Variants in CHRM2 observed in about 807,000 individuals in gnomAD.
CHRM2 encodes the protein cholinergic receptor muscarinic 2.
CHRM2 carries 8 observed loss-of-function variants against 25.0 expected under a neutral mutation model. The ratio of observed to expected loss-of-function variants is 0.32; its 90% CI spans 0.19 to 0.58. The LOEUF is 0.58. CHRM2 is among the 20% of genes least tolerant of loss of function. The pLI is 0.88. For synonymous variants in CHRM2, 202 were observed against 205.7 expected, an observed-to-expected ratio of 0.98 and a Z score of 0.15; for missense variants, 440 against 567.1, an observed-to-expected ratio of 0.78 and a Z score of 2.28.
intron 2 of CHRM2, among the ~76,000 whole-genome samples, chr7:136,971,114 A>G (rs1801739144): frequency 1.3e-5 from 2 of 152,220 alleles, no homozygotes; most frequent in Non-Finnish European, 2.9e-5. Flanking sequence ...GGCAGCACAG[A>G]AACTTGGAAA....
At chr7:136,984,235 A>T (rs755754753) in intron 2 of CHRM2, among the ~76,000 whole-genome samples, 4 of 152,056 alleles carry the variant, frequency 2.6e-5, no homozygotes, top group Non-Finnish European at 5.9e-5. Context: ...CTTTGTTTGC[A>T]CTGTGAGGGG....
At chr7:137,010,584 TTCC>T (rs1804737784) in intron 3 of CHRM2, among the ~76,000 whole-genome samples, 1 of 151,996 alleles carries the variant, frequency 6.6e-6, no homozygotes, top group Non-Finnish European at 1.5e-5. Context: ...AGAGGAACGA[TTCC>T]ACATGGCCTG....
chr7:136,927,520 GA>G (rs200311718), intron 2 of CHRM2, among the ~76,000 whole-genome samples: 3 of 149,696 alleles, frequency 2.0e-5, no homozygotes, highest in East Asian at 1.9e-4. Flanking sequence ...TAATGCAACT[GA>G]AAAAAAAAGA....
chr7:137,012,494 C>T (rs560057421), intron 3 of CHRM2, among the ~76,000 whole-genome samples: 1 of 152,062 alleles, frequency 6.6e-6, no homozygotes, highest in Non-Finnish European at 1.5e-5. Flanking sequence ...TGTAATATTA[C>T]ATATAATCAC....
intron 3 of CHRM2, among the ~76,000 whole-genome samples, chr7:137,011,215 G>GTGTATA: frequency 7.4e-6 from 1 of 134,286 alleles, no homozygotes; most frequent in African/African-American, 3.2e-5. Flanking sequence ...GTGTGTGTGT[G>GTGTATA]TATATATATA....
intron 2 of CHRM2, among the ~76,000 whole-genome samples, chr7:136,911,709 C>T (rs888750291): frequency 6.6e-5 from 10 of 151,930 alleles, no homozygotes; most frequent in Non-Finnish European, 1.0e-4. Flanking sequence ...AACCTGTTTA[C>T]ATGTCGAATT....
intron 2 of CHRM2, among the ~76,000 whole-genome samples, chr7:136,872,527 C>T (rs921136813): frequency 3.3e-5 from 5 of 152,214 alleles, no homozygotes; most frequent in Non-Finnish European, 1.5e-5. Context: ...CCAGATGTGT[C>T]TTTACTGGAC....
At position 137,016,296 on chromosome 7, in the gene CHRM2, A is replaced by G. The variant is rs562505056; in HGVS notation, c.*30A>G. ...TCTTTGAAAAAGATAGAAGGTGGGC[A>G]AGGGGAGCTTGAGAAGAATAAAAGG... On this transcript the variant is annotated 3_prime_UTR_variant, in exon 4 of 4. Coordinates refer to ENST00000680005, the MANE Select transcript of CHRM2 (RefSeq NM_001006630.2). The G allele has an allele frequency of 6.2e-7, 1 of 1,602,034 alleles. No individual in the cohort carries two copies. The highest frequency in any genetic ancestry group is 1.1e-5 in the South Asian group (1 of 90,792).
At chr7:136,888,821 C>T (rs1455214475) in intron 2 of CHRM2, among the ~76,000 whole-genome samples, 1 of 151,870 alleles carries the variant, frequency 6.6e-6, no homozygotes. Context: ...CCAAGGCAGG[C>T]GGATCACGAA....
chr7:136,894,261 A>G (rs12537962), intron 2 of CHRM2, among the ~76,000 whole-genome samples: 39,783 of 152,150 alleles, frequency 0.26, 5,720 homozygotes, highest in Non-Finnish European at 0.32. Flanking sequence ...TATAAAGGGT[A>G]ACATATGAAC....
intron 2 of CHRM2, among the ~76,000 whole-genome samples, chr7:136,888,443 C>T (rs1269466748): frequency 6.6e-6 from 1 of 151,992 alleles, no homozygotes; most frequent in Non-Finnish European, 1.5e-5. Context: ...GAGAATTCAG[C>T]GAGAAATATT....
chr7:136,992,014 T>G (rs2131021802), intron 2 of CHRM2, among the ~76,000 whole-genome samples, 173 bp from the exon 3 acceptor site: 1 of 152,278 alleles, frequency 6.6e-6, no homozygotes, highest in Admixed American at 6.5e-5. Flanking sequence ...ACCTTTGTCC[T>G]GACAGGTGCA....
At chr7:136,878,036 T>G (rs1796114343) in intron 2 of CHRM2, among the ~76,000 whole-genome samples, 1 of 151,988 alleles carries the variant, frequency 6.6e-6, no homozygotes, top group Non-Finnish European at 1.5e-5. Context: ...TCACAACCTG[T>G]TTTACATTGT....
chr7:136,995,484 T>TG (rs1007628906), intron 3 of CHRM2, among the ~76,000 whole-genome samples: 1 of 152,154 alleles, frequency 6.6e-6, no homozygotes, highest in Admixed American at 6.6e-5. Flanking sequence ...CACAAGGGGC[T>TG]GGGTGTGGTG....
At chr7:137,007,620 GTGA>G (rs1804532287) in intron 3 of CHRM2, among the ~76,000 whole-genome samples, 1 of 152,108 alleles carries the variant, frequency 6.6e-6, no homozygotes, top group Non-Finnish European at 1.5e-5. Flanking sequence ...TTCATTTTGT[GTGA>G]TGTTGTCAAA....
intron 2 of CHRM2, among the ~76,000 whole-genome samples, chr7:136,942,124 A>T (rs147811728): frequency 6.6e-6 from 1 of 152,292 alleles, no homozygotes; most frequent in African/African-American, 2.4e-5. Context: ...CTTACTGTCA[A>T]ACACCCAGTA....
At chr7:136,906,840 T>C (rs763720725) in intron 2 of CHRM2, 11 of 151,584 alleles carry the variant, frequency 7.3e-5, no homozygotes, top group South Asian at 2.1e-4. Flanking sequence ...TTCAACGGCA[T>C]TACATTTATT....
In CHRM2 at chr7:137,015,366, G is replaced by C; in HGVS notation, c.501G>C (p.Gly167=). 5.6e-6 allele frequency: 9 copies of C among 1,613,438 alleles called. No individual in the cohort carries two copies. Among genetic ancestry groups the C allele is most frequent in the Non-Finnish European group, 7.6e-6 (9 of 1,179,638 alleles). Reference sequence around the variant, plus strand: ...TTCTCTTCTGGCAGTTCATTGTAGGGGTGAGAACTGTGGAGGATGGGGAGT... The same window carrying C: ...TTCTCTTCTGGCAGTTCATTGTAGGCGTGAGAACTGTGGAGGATGGGGAGT... ...PAILFWQFIV[G]VRTVEDGECY... is the part of the protein sequence containing the mutation. The change falls in exon 4 of 4, where the codon GGG becomes GGC. Residue 167 remains glycine, a synonymous_variant. Coordinates refer to ENST00000680005, the MANE Select transcript of CHRM2 (RefSeq NM_001006630.2). This position sits in a 1 kb window ranked among gnomAD's most constrained non-coding sequence, Gnocchi z 5.1.
At chr7:136,909,373 G>A (rs1376012534) in intron 2 of CHRM2, among the ~76,000 whole-genome samples, 1 of 151,902 alleles carries the variant, frequency 6.6e-6, no homozygotes, top group Non-Finnish European at 1.5e-5. Context: ...ACAGACGATA[G>A]TATTTACTGA....
Sources: allele counts gnomAD v4.1 joint callset (sites outside exome capture counted in the v4.1 genomes callset), GRCh38; gene constraint gnomAD v4.1.1; non-coding constraint Gnocchi (gnomAD v3.1); transcripts MANE v1.5; gene names NCBI Gene and HGNC (gene_info 2026-07-23, HGNC 2026-07-21).